Variants in GRIK4 observed in about 807,000 individuals in gnomAD.
GRIK4 encodes the protein glutamate receptor ionotropic, kainate 4.
A neutral mutation model predicts 104.9 loss-of-function variants in GRIK4; 40 were observed. The ratio of observed to expected loss-of-function variants is 0.38; its 90% CI spans 0.30 to 0.50. The LOEUF is 0.50. Among genes scored for constraint, GRIK4 ranks in the 20% least tolerant of loss-of-function variants. The pLI is 0.93. For synonymous variants in GRIK4, 485 were observed against 524.9 expected (o/e 0.92, Z 1.04); for missense variants, 1,047 against 1,308.1 (o/e 0.80, Z 3.08).
intron 1 of GRIK4, among the ~76,000 whole-genome samples, chr11:120,563,962 G>A (rs1948274151): frequency 6.6e-6 from 1 of 152,200 alleles, no homozygotes; most frequent in African/African-American, 2.4e-5. Flanking sequence ...TCGCGGAGGA[G>A]GTGTTCCCGG....
intron 8 of GRIK4, among the ~76,000 whole-genome samples, chr11:120,841,735 T>A (rs185009336): frequency 1.4e-3 from 216 of 152,350 alleles, no homozygotes; most frequent in African/African-American, 5.0e-3. Flanking sequence ...CTGTCAGCAA[T>A]GTACAAAGGT....
At chr11:120,656,282 T>C (rs1170473690) in intron 2 of GRIK4, among the ~76,000 whole-genome samples, 1 of 152,226 alleles carries the variant, frequency 6.6e-6, no homozygotes, top group Non-Finnish European at 1.5e-5. Context: ...GTGAGAGACC[T>C]GGTTAGCCTT....
At chr11:120,826,305 G>A (rs901054059) in intron 6 of GRIK4, among the ~76,000 whole-genome samples, 5 of 152,108 alleles carry the variant, frequency 3.3e-5, no homozygotes, top group African/African-American at 7.2e-5. Context: ...TGGGACGACC[G>A]AGACCATCCC....
intron 20 of GRIK4, among the ~76,000 whole-genome samples, 176 bp from the exon 21 acceptor site, chr11:120,985,728 T>C (rs990631529): frequency 5.9e-5 from 9 of 152,008 alleles, no homozygotes; most frequent in African/African-American, 2.2e-4. Flanking sequence ...GGAGGGTGTT[T>C]GAACATTAAA....
intron 1 of GRIK4, among the ~76,000 whole-genome samples, chr11:120,539,830 A>G (rs940629366): frequency 3.3e-5 from 5 of 152,344 alleles, no homozygotes; most frequent in African/African-American, 9.6e-5. Context: ...ATAGGCAGCC[A>G]GATAAAGGGA....
At position 120,986,222 on chromosome 11, in the gene GRIK4, G is replaced by A; in HGVS notation, c.2833G>A (p.Glu945Lys). 6.4e-7 allele frequency: 1 copy of A among 1,572,654 alleles called. No homozygotes were observed. The highest frequency in any genetic ancestry group is 1.4e-5 in the African/African-American group (1 of 71,674). Residue 945 changes from glutamate (E) to lysine (K), a missense_variant, in exon 21 of 21, where the codon GAG (glutamate) becomes AAG (lysine). Around this residue, in one of 3 missense-constraint regions of GRIK4, gnomAD observed 160 missense variants for 140.9 expected, o/e 1.14. Coordinates refer to ENST00000527524, the MANE Select transcript of GRIK4 (RefSeq NM_014619.5). ...GCCCGCCCGCAGCGAGGAGAGCCTG[G>A]AGTGGGAGAAAACCACCAACAGCAG... ...PSPARSEESL[E>K]WEKTTNSSEP...
At chr11:120,879,529 T>C (rs1954906256) in intron 11 of GRIK4, among the ~76,000 whole-genome samples, 1 of 152,242 alleles carries the variant, frequency 6.6e-6, no homozygotes, top group African/African-American at 2.4e-5. Context: ...ATTTTAAAAA[T>C]AGTCTATCAG....
At position 120,555,135 on chromosome 11, in the gene GRIK4, C is replaced by T. The variant is rs115913222; in HGVS notation, c.-159+43248C>T. On this transcript the variant is annotated intron_variant, in intron 1 of 20. Transcript: ENST00000527524. The surrounding 1 kb of genome is among the most constrained non-coding windows in gnomAD (Gnocchi z 5.3). ...GCCCAGATGTCCTCCAGGCCCTGCA[C>T]GCGCAGGTCACCATGTTATCTATCC... 6.0e-3 allele frequency among the ~76,000 whole-genome samples: 917 copies of T among 152,360 alleles called. 6 individuals carry two copies. The highest frequency in any genetic ancestry group is 0.021 in the African/African-American group (866 of 41,582).
In GRIK4 at chr11:120,986,779, C is replaced by T. The variant is rs1161549243; in HGVS notation, c.*519C>T. The T allele has an allele frequency of 1.3e-5, 2 of 152,134 alleles. No individual in the cohort carries two copies. The highest frequency in any genetic ancestry group is 2.4e-5 in the African/African-American group (1 of 41,368). 9.4% of individuals were successfully genotyped at this position (152,134 alleles called of 1,614,324 possible). A position where few individuals can be genotyped will look rare whatever the true frequency, so the allele number is the denominator to read the frequency against. ...TTTTCTTCTTTGTCATCTTCTCAGT[C>T]CTGTTAATTTGTTTTGTGTTTTTTG... is the stretch of plus-strand genomic sequence containing the variant. On this transcript the variant is annotated 3_prime_UTR_variant, in exon 21 of 21. Transcript: ENST00000527524.
At chr11:120,707,079 A>AC (rs1240152716) in intron 3 of GRIK4, among the ~76,000 whole-genome samples, 1 of 152,172 alleles carries the variant, frequency 6.6e-6, no homozygotes, top group Non-Finnish European at 1.5e-5. Flanking sequence ...ACATTGAACG[A>AC]CCAGGCTTGA....
intron 3 of GRIK4, among the ~76,000 whole-genome samples, chr11:120,695,572 G>C (rs1206954520): frequency 6.6e-6 from 1 of 152,158 alleles, no homozygotes; most frequent in Non-Finnish European, 1.5e-5. Flanking sequence ...AGAAGAAGAA[G>C]AAGAGGTCAG....
intron 3 of GRIK4, among the ~76,000 whole-genome samples, chr11:120,696,240 G>A (rs1280219508): frequency 6.6e-6 from 1 of 152,130 alleles, no homozygotes; most frequent in Non-Finnish European, 1.5e-5. Flanking sequence ...TGCAGGGGTT[G>A]CCCGTGAGCA....
intron 3 of GRIK4, among the ~76,000 whole-genome samples, chr11:120,797,651 A>G (rs1263220402): frequency 1.3e-5 from 2 of 152,212 alleles, no homozygotes; most frequent in East Asian, 3.9e-4. Flanking sequence ...CCAGCCAGAT[A>G]GGAATCACTG....
At chr11:120,705,148 T>A (rs1040357865) in intron 3 of GRIK4, among the ~76,000 whole-genome samples, 1 of 152,242 alleles carries the variant, frequency 6.6e-6, no homozygotes, top group Non-Finnish European at 1.5e-5. Flanking sequence ...TTTGTTTGTC[T>A]TTTTCAATGT....
At chr11:120,946,298 T>G (rs2134666769) in intron 14 of GRIK4, among the ~76,000 whole-genome samples, 1 of 152,340 alleles carries the variant, frequency 6.6e-6, no homozygotes, top group East Asian at 1.9e-4. Context: ...ATCATCAGAC[T>G]GCGCCAGAAG....
Position 120,531,812 on chromosome 11 carries a change from A to G in GRIK4, c.-159+19925A>G, listed in dbSNP as rs566126818. On this transcript the variant is annotated intron_variant, in intron 1 of 20. Transcript: ENST00000527524. ...GCTGGTCTCGGACTCCTGACCTCAG[A>G]TGATCCACCCGCCTTGGTCTCCTAA... Among the ~76,000 whole-genome samples the G allele has an allele frequency of 4.6e-5, 7 of 152,076 alleles. No individual in the cohort carries two copies. In the East Asian group the frequency reaches 9.7e-4, roughly 21 times the overall value.
At chr11:120,831,428 G>A (rs896824556) in intron 6 of GRIK4, among the ~76,000 whole-genome samples, 2 of 152,134 alleles carry the variant, frequency 1.3e-5, no homozygotes. Context: ...AGGAAACTGA[G>A]GCCAAGACAA....
At chr11:120,582,338 G>T (rs906378418) in intron 1 of GRIK4, among the ~76,000 whole-genome samples, 1 of 151,504 alleles carries the variant, frequency 6.6e-6, no homozygotes, top group African/African-American at 2.4e-5. Context: ...AGGTTTAGGG[G>T]TACATGTGTA....
chr11:120,563,094 T>C (rs2136103572), intron 1 of GRIK4, among the ~76,000 whole-genome samples: 1 of 152,346 alleles, frequency 6.6e-6, no homozygotes, highest in Non-Finnish European at 1.5e-5. Flanking sequence ...CTTCACTGTC[T>C]CCCTGGGTAA....
Sources: allele counts gnomAD v4.1 joint callset (sites outside exome capture counted in the v4.1 genomes callset), GRCh38; gene constraint gnomAD v4.1.1; regional missense constraint gnomAD v4.1.1; non-coding constraint Gnocchi (gnomAD v3.1); transcripts MANE v1.5; gene names NCBI Gene and HGNC (gene_info 2026-07-23, HGNC 2026-07-21).